Variants in RAD51B observed in about 807,000 individuals in gnomAD.
RAD51B encodes DNA repair protein RAD51 homolog 2.
Under a neutral mutation model 42.2 loss-of-function variants are expected in RAD51B, and 38 were observed. The ratio of observed to expected loss-of-function variants is 0.90; its 90% CI spans 0.70 to 1.18. The LOEUF (loss-of-function observed/expected upper bound fraction) is 1.18, where lower values mean the gene tolerates loss of function less well. Among genes scored for constraint, RAD51B ranks in the 50% most tolerant of loss-of-function variants. The pLI, the probability that RAD51B is intolerant of heterozygous loss-of-function variation, is 0.00. For missense variants in RAD51B, 373 were observed against 400.7 expected, an observed-to-expected ratio of 0.93 and a Z score of 0.59; for synonymous variants, 154 against 145.2, an observed-to-expected ratio of 1.06 and a Z score of -0.43.
At chr14:68,012,686 A>G (rs1474662530) in intron 7 of RAD51B, among the ~76,000 whole-genome samples, 1 of 152,188 alleles carries the variant, frequency 6.6e-6, no homozygotes, top group Non-Finnish European at 1.5e-5. Context: ...AAATAAAAAT[A>G]TAACAGTATC....
chr14:68,615,785 T>G (rs1005521931), downstream of RAD51B, among the ~76,000 whole-genome samples: 2 of 152,230 alleles, frequency 1.3e-5, no homozygotes, highest in Non-Finnish European at 2.9e-5. Flanking sequence ...TCTTTTTTCA[T>G]TCTTTTACTT....
intron 10 of RAD51B, among the ~76,000 whole-genome samples, chr14:68,468,882 A>G (rs2086051571): frequency 6.6e-6 from 1 of 152,262 alleles, no homozygotes; most frequent in African/African-American, 2.4e-5. Context: ...TCACTGATCT[A>G]CAATGGTGAT....
chr14:68,459,854 A>G (rs929613154), intron 9 of RAD51B, among the ~76,000 whole-genome samples: 1 of 152,070 alleles, frequency 6.6e-6, no homozygotes, highest in Non-Finnish European at 1.5e-5. Context: ...TTCTGCTTAT[A>G]CTTTTCCTCT....
intron 1 of RAD51B, among the ~76,000 whole-genome samples, chr14:67,821,950 T>G (rs1455477677): frequency 6.6e-6 from 1 of 152,006 alleles, no homozygotes; most frequent in Admixed American, 6.6e-5. Flanking sequence ...GGAGGATGTA[T>G]TTTTGTTTGT....
At chr14:68,456,066 A>G (rs1197843702) in intron 9 of RAD51B, among the ~76,000 whole-genome samples, 1 of 152,250 alleles carries the variant, frequency 6.6e-6, no homozygotes, top group Non-Finnish European at 1.5e-5. Flanking sequence ...AATAACTCAA[A>G]AATGCATAGT....
chr14:68,652,476 G>A (rs11627234), intron 11 of RAD51B, among the ~76,000 whole-genome samples: 3 of 152,168 alleles, frequency 2.0e-5, no homozygotes, highest in East Asian at 1.9e-4. Context: ...AAGGGATCCC[G>A]TCTAGAGAAG....
intron 10 of RAD51B, among the ~76,000 whole-genome samples, chr14:68,551,091 T>C (rs1888537755): frequency 6.6e-6 from 1 of 152,028 alleles, no homozygotes. Context: ...CACTCCCAAA[T>C]TCCATTCTTC....
chr14:68,487,912 A>C lies in RAD51B; in HGVS notation c.1036+19662A>C, dbSNP rs143312936. 4.9e-3 allele frequency among the ~76,000 whole-genome samples: 751 copies of C among 152,230 alleles called. 8 individuals carry two copies. Among genetic ancestry groups the C allele is most frequent in the African/African-American group, 0.017 (716 of 41,526 alleles). On this transcript the variant is annotated intron_variant, in intron 10 of 10. Transcript: ENST00000487270. The stretch of plus-strand genomic sequence containing the variant: ...GGACACAGCTCAGTTCATAACACCT[A>C]CCATAACTGTTTTCCTCACAGAACA...
chr14:68,466,106 T>C (rs1015037896), intron 9 of RAD51B, among the ~76,000 whole-genome samples: 1 of 152,182 alleles, frequency 6.6e-6, no homozygotes, highest in Non-Finnish European at 1.5e-5. Flanking sequence ...TTTCTTCTCA[T>C]TGGTTCTGAG....
At chr14:68,247,914 C>A (rs546759883) in intron 7 of RAD51B, among the ~76,000 whole-genome samples, 1 of 152,144 alleles carries the variant, frequency 6.6e-6, no homozygotes, top group Admixed American at 6.5e-5. Context: ...TGCTGCAAAG[C>A]GCTTTATAGT....
intron 10 of RAD51B, chr14:68,497,325 A>G (rs1884602496): frequency 7.9e-7 from 1 of 1,260,234 alleles, no homozygotes; most frequent in Non-Finnish European, 1.0e-6. Flanking sequence ...CACAAGTAGG[A>G]TCAAGAACAA....
In RAD51B at chr14:68,590,977, A is replaced by ACCCCT. The variant is rs1214575594; in HGVS notation, c.1037-3495_1037-3491dup. 2.6e-5 allele frequency among the ~76,000 whole-genome samples: 4 copies of ACCCCT among 151,338 alleles called. No individual in the cohort carries two copies. In the East Asian group the frequency reaches 7.7e-4, roughly 29 times the overall value. On this transcript the variant is annotated intron_variant, in intron 10 of 10. Transcript: ENST00000487270. ...CCTGAGATGGGCCAGGCAGCCATGGACCCCTCCCCTCCCCTCCGGTTCCTG... is the reference window on the plus strand; with the variant it reads ...CCTGAGATGGGCCAGGCAGCCATGGACCCCTCCCCTCCCCTCCCCTCCGGTTCCTG...
intron 9 of RAD51B, among the ~76,000 whole-genome samples, chr14:68,430,405 G>C (rs1305998906): frequency 6.6e-6 from 1 of 152,156 alleles, no homozygotes; most frequent in Non-Finnish European, 1.5e-5. Flanking sequence ...CCATTTGTTT[G>C]TGTCCTCTTT....
chr14:68,446,656 T>C (rs1594851205), intron 9 of RAD51B, among the ~76,000 whole-genome samples: 1 of 152,196 alleles, frequency 6.6e-6, no homozygotes, highest in Non-Finnish European at 1.5e-5. Context: ...CTTGTGGCTG[T>C]CTTTGCCACC....
chr14:68,588,486 C>T (rs922921476), intron 10 of RAD51B, among the ~76,000 whole-genome samples: 3 of 152,154 alleles, frequency 2.0e-5, no homozygotes, highest in Admixed American at 6.5e-5. Context: ...TAGCTACCCC[C>T]GTGTGAAATT....
intron 4 of RAD51B, among the ~76,000 whole-genome samples, chr14:67,852,051 C>T (rs902506111): frequency 1.3e-5 from 2 of 151,876 alleles, no homozygotes; most frequent in Non-Finnish European, 2.9e-5. Context: ...CTCTTCACTC[C>T]CTCCCCAGCC....
intron 7 of RAD51B, among the ~76,000 whole-genome samples, chr14:68,097,438 G>A (rs1229871906): frequency 1.3e-5 from 2 of 151,962 alleles, no homozygotes; most frequent in Non-Finnish European, 2.9e-5. Context: ...TCTCTAACTG[G>A]ATATTCAAAT....
At chr14:67,942,452 G>A (rs1022719176) in intron 7 of RAD51B, among the ~76,000 whole-genome samples, 1 of 152,152 alleles carries the variant, frequency 6.6e-6, no homozygotes, top group Admixed American at 6.5e-5. Flanking sequence ...GGAACCCTAA[G>A]GATTGATACC....
intron 7 of RAD51B, among the ~76,000 whole-genome samples, chr14:68,087,821 A>G (rs2077008412): frequency 8.3e-6 from 1 of 119,812 alleles, no homozygotes; most frequent in Non-Finnish European, 1.6e-5. Flanking sequence ...TAAAAATAAT[A>G]TTTTTAAATA....
Sources: gnomAD v4.1 joint callset for allele counts (sites outside exome capture counted in the v4.1 genomes callset) on GRCh38, gnomAD v4.1.1 for gene constraint, MANE v1.5 for transcripts, NCBI Gene and HGNC (gene_info 2026-07-23, HGNC 2026-07-21) for gene names.